LY75: variants seen among roughly 807,000 people sequenced by gnomAD.
The protein encoded by LY75 is C-type lectin domain family 13 member B.
A neutral mutation model predicts 231.7 loss-of-function variants in LY75; 185 were observed. The observed-to-expected ratio is 0.80, with a 90% CI of 0.71 to 0.90. The LOEUF is 0.90. Ranked by LOEUF, LY75 falls within the 40% of genes least tolerant of loss-of-function variation. The pLI is 0.00. For missense variants in LY75, 1,947 were observed against 2,050.2 expected, an observed-to-expected ratio of 0.95 and a Z score of 0.97; for synonymous variants, 668 against 689.0, an observed-to-expected ratio of 0.97 and a Z score of 0.48.
At chr2:159,901,198 G>A (rs1424901535) in intron 1 of LY75, among the ~76,000 whole-genome samples, 1 of 151,998 alleles carries the variant, frequency 6.6e-6, no homozygotes, top group Non-Finnish European at 1.5e-5. Flanking sequence ...ATGGACACAG[G>A]CTGGGAAGAC....
chr2:159,807,211 T>A, intron 33 of LY75, 71 bp from the exon 34 acceptor site: 3 of 1,522,610 alleles, frequency 2.0e-6, no homozygotes, highest in Non-Finnish European at 1.8e-6. Context: ...TGGGTTCATG[T>A]AACTCATCAG....
chr2:159,865,138 A>G (rs1684822633), intron 13 of LY75, among the ~76,000 whole-genome samples: 2 of 152,190 alleles, frequency 1.3e-5, no homozygotes, highest in African/African-American at 4.8e-5. Context: ...TGAAAGGCAA[A>G]AACCATTCTA....
chr2:159,842,276 G>C lies in LY75; in HGVS notation c.3249C>G (p.Arg1083=), dbSNP rs1226913973. The C allele has an allele frequency of 6.2e-7, 1 of 1,612,094 alleles. No homozygotes were observed. The highest frequency in any genetic ancestry group is 8.5e-7 in the Non-Finnish European group (1 of 1,178,878). Residue 1083 remains arginine (R), a synonymous_variant, in exon 24 of 35, where the codon CGC becomes CGG. Coordinates refer to ENST00000263636, the MANE Select transcript of LY75 (RefSeq NM_002349.4). The stretch of plus-strand genomic sequence containing the variant: ...ATTTCTGACAGAGAGACACAAAGTG[G>C]CGTTCACTGCAGGATGTAAAATTCC... ...GTWNFTSCSE[R]HFVSLCQKYS...
intron 6 of LY75, among the ~76,000 whole-genome samples, chr2:159,884,023 G>A (rs919050724): frequency 4.6e-5 from 7 of 152,176 alleles, no homozygotes; most frequent in Non-Finnish European, 8.8e-5. Context: ...CCTGGTGAAA[G>A]GTAATTGAAT....
In LY75 at chr2:159,875,433, T is replaced by C. The variant is rs775805834; in HGVS notation, c.1974+11A>G. ...ACTTCATTGAAGGATAGAATGAGAA[T>C]GTCACTTTACCTTATAACAAGAAAG... On this transcript the variant is annotated intron_variant, in intron 12 of 34. Transcript: ENST00000263636. 22 of 1,609,416 alleles carry C rather than the reference T, an allele frequency of 1.4e-5. No homozygotes were observed. Among genetic ancestry groups the C allele is most frequent in the Non-Finnish European group, 1.9e-5 (22 of 1,178,312 alleles).
intron 6 of LY75, among the ~76,000 whole-genome samples, chr2:159,883,316 G>GT (rs573922238): frequency 7.9e-5 from 12 of 151,198 alleles, no homozygotes; most frequent in South Asian, 4.2e-4. Context: ...TGGACAGTTT[G>GT]TTTTTTTTAC....
At chr2:159,845,870 GTA>G (rs77777543) in intron 23 of LY75, among the ~76,000 whole-genome samples, 37,362 of 150,650 alleles carry the variant, frequency 0.25, 5,808 homozygotes, top group African/African-American at 0.43. Flanking sequence ...ATAAAATACA[GTA>G]TATATATATA....
intron 34 of LY75, 116 bp downstream of exon 34, chr2:159,806,857 T>C (rs1682808610): frequency 1.3e-5 from 16 of 1,250,484 alleles, no homozygotes; most frequent in Non-Finnish European, 1.6e-5. Context: ...TAGTTGGATA[T>C]ACTTTAAGGA....
At chr2:159,817,762 T>C (rs1683163881) in intron 29 of LY75, among the ~76,000 whole-genome samples, 1 of 152,222 alleles carries the variant, frequency 6.6e-6, no homozygotes, top group East Asian at 1.9e-4. Context: ...AATTTAAAAA[T>C]TGGGGCCAGG....
At chr2:159,872,729 C>T in intron 12 of LY75, 136 bp from the exon 13 acceptor site, 1 of 911,336 alleles carries the variant, frequency 1.1e-6, no homozygotes, top group Non-Finnish European at 1.6e-6. Context: ...GGTAAATGCA[C>T]ATATACTGAG....
intron 11 of LY75, among the ~76,000 whole-genome samples, chr2:159,877,846 G>A (rs1016463341): frequency 3.3e-5 from 5 of 152,124 alleles, no homozygotes; most frequent in Admixed American, 6.6e-5. Flanking sequence ...TCCAGCCTGG[G>A]CAACAGAGTG....
At chr2:159,866,912 T>C (rs2729721) in intron 13 of LY75, among the ~76,000 whole-genome samples, 132,551 of 152,046 alleles carry the variant, frequency 0.87, 59,426 homozygotes, top group East Asian at 1. Context: ...CTCCCACTGG[T>C]AGCCTTTTTA....
intron 19 of LY75, 69 bp from the exon 20 acceptor site, chr2:159,853,421 A>G: frequency 6.4e-7 from 1 of 1,554,170 alleles, no homozygotes; most frequent in Non-Finnish European, 8.8e-7. Context: ...TTTTTACTGT[A>G]AGTTATTTTA....
intron 12 of LY75, among the ~76,000 whole-genome samples, chr2:159,874,914 A>AAATATATTTATAAATATATATATTTTG (rs1560094388): frequency 7.9e-6 from 1 of 126,852 alleles, no homozygotes; most frequent in Non-Finnish European, 1.6e-5. Context: ...TATATATTTT[A>AAATATATTTATAAATATATATATTTTG]TAAATATATT....
At chr2:159,836,785 G>A (rs1464580853) in intron 25 of LY75, among the ~76,000 whole-genome samples, 19 of 152,160 alleles carry the variant, frequency 1.2e-4, no homozygotes, top group Admixed American at 1.2e-3. Flanking sequence ...GGCCTCCAGT[G>A]TGGCCCTTCG....
Position 159,875,623 on chromosome 2 carries a change from C to T in LY75, c.1795G>A (p.Ala599Thr), listed in dbSNP as rs200353839. 1 of 1,613,906 alleles carries T rather than the reference C, an allele frequency of 6.2e-7. No homozygotes were observed. The highest frequency in any genetic ancestry group is 2.2e-5 in the East Asian group (1 of 44,864). Residue 599 changes from alanine (A) to threonine (T), a missense_variant, in exon 12 of 35, where the codon GCT becomes ACT. Ala to Thr is a moderately conservative substitution (Grantham distance 58). Transcript: ENST00000263636. ...CCAACAGACTTTCCAGTAGACATAG[C>T]CACGCAGCCGCCCGGGGAAGCTGGG... ...LEPASPGGCV[A>T]MSTGKSVGKW...
chr2:159,814,653 C>CAAAA (rs34311643), intron 31 of LY75, among the ~76,000 whole-genome samples: 1 of 73,758 alleles, frequency 1.4e-5, no homozygotes, highest in Non-Finnish European at 2.8e-5. Flanking sequence ...GAAACCCTGT[C>CAAAA]AAAAAAAAAA....
chr2:159,824,539 G>A (rs1415446186), intron 28 of LY75, among the ~76,000 whole-genome samples: 2 of 152,266 alleles, frequency 1.3e-5, no homozygotes, highest in African/African-American at 4.8e-5. Context: ...ACACCCCACT[G>A]TCAATATTAG....
chr2:159,834,619 G>A (rs1293274654), intron 26 of LY75, among the ~76,000 whole-genome samples: 9 of 152,068 alleles, frequency 5.9e-5, no homozygotes, highest in Admixed American at 5.9e-4. Flanking sequence ...AATTTTAAAG[G>A]AACATTTAAA....
Sources: allele counts gnomAD v4.1 joint callset (sites outside exome capture counted in the v4.1 genomes callset), GRCh38; gene constraint gnomAD v4.1.1; transcripts MANE v1.5; gene names NCBI Gene and HGNC (gene_info 2026-07-23, HGNC 2026-07-21).